Variants in TRIP12 observed in about 807,000 individuals in gnomAD.
TRIP12 encodes E3 ubiquitin-protein ligase TRIP12.
A neutral mutation model predicts 244.2 loss-of-function variants in TRIP12; 25 were observed. That is an observed-to-expected ratio of 0.10 (90% CI 0.07 to 0.14). The LOEUF is 0.14. Ranked by LOEUF, TRIP12 falls within the 10% of genes least tolerant of loss-of-function variation. The pLI, the probability that TRIP12 is intolerant of heterozygous loss-of-function variation, is 1.00. For missense variants in TRIP12, 1,677 were observed against 2,486.4 expected, an observed-to-expected ratio of 0.67 and a Z score of 6.92; for synonymous variants, 905 against 873.1, an observed-to-expected ratio of 1.04 and a Z score of -0.64.
At chr2:229,917,666 G>A (rs1389024338) in intron 1 of TRIP12, among the ~76,000 whole-genome samples, 1 of 152,020 alleles carries the variant, frequency 6.6e-6, no homozygotes, top group Non-Finnish European at 1.5e-5. Context: ...ATGTGAAGAG[G>A]CCCTGATCAC....
intron 1 of TRIP12, among the ~76,000 whole-genome samples, chr2:229,905,079 T>C (rs1193127925): frequency 6.6e-6 from 1 of 152,112 alleles, no homozygotes; most frequent in Non-Finnish European, 1.5e-5. Flanking sequence ...GTTCGAGACC[T>C]GCCTGACCAA....
intron 13 of TRIP12, 61 bp downstream of exon 13, chr2:229,813,809 T>C: frequency 2.5e-6 from 3 of 1,202,540 alleles, no homozygotes; most frequent in Non-Finnish European, 3.2e-6. Context: ...AAATAAAATA[T>C]AAAATTAAAA....
chr2:229,818,294 C>T (rs1432454475), intron 9 of TRIP12, 70 bp downstream of exon 9: 18 of 1,465,894 alleles, frequency 1.2e-5, no homozygotes, highest in East Asian at 2.3e-5. Context: ...AATAATCATA[C>T]ATTCAGTACA....
intron 21 of TRIP12, among the ~76,000 whole-genome samples, chr2:229,799,809 C>A (rs896602312): frequency 2.0e-5 from 3 of 151,986 alleles, no homozygotes; most frequent in Admixed American, 2.0e-4. Flanking sequence ...AAGGTATGTT[C>A]TTGTTTAGTG....
At chr2:229,891,181 G>A (rs1367735264) in intron 1 of TRIP12, among the ~76,000 whole-genome samples, 2 of 152,080 alleles carry the variant, frequency 1.3e-5, no homozygotes, top group African/African-American at 4.8e-5. Flanking sequence ...AGCACTTTTG[G>A]AGGCTGAAGC....
rs1397089207 is a variant in TRIP12 at position 229,787,412 on chromosome 2, G to T, written c.4995+93C>A. 11 of 1,358,930 alleles carry T rather than the reference G, an allele frequency of 8.1e-6. No individual in the cohort carries two copies. The East Asian group carries it at 2.7e-4, about 33-fold the overall frequency. The allele number at this position is 1,358,930 out of a possible 1,614,324, so 84.2% of individuals were successfully genotyped here. ...AGCTGAATATGACCAAGGCCTCCAA[G>T]ACCAACATGCATATTTAGATATACT... is the stretch of plus-strand genomic sequence containing the variant. On this transcript the variant is annotated intron_variant, in intron 33 of 41. Transcript: ENST00000675903.
At chr2:229,904,624 T>C (rs1229746316) in intron 1 of TRIP12, among the ~76,000 whole-genome samples, 2 of 151,978 alleles carry the variant, frequency 1.3e-5, no homozygotes, top group Non-Finnish European at 2.9e-5. Flanking sequence ...ATGTTTATAG[T>C]GGTTATATGA....
rs1204833060 is a variant in TRIP12 at position 229,765,535 on chromosome 2, T to C, written c.*2019A>G. 6.6e-6 allele frequency: 1 copy of C among 152,196 alleles called. No individual in the cohort carries two copies. The highest frequency in any genetic ancestry group is 2.4e-5 in the African/African-American group (1 of 41,462). The allele number at this position is 152,196 out of a possible 1,614,324, so 9.4% of individuals were successfully genotyped here. The stretch of plus-strand genomic sequence containing the variant: ...GAGTCAAAATCATCATATATACTTA[T>C]TAGATGCTGGAATCAATGAGGCCAA... On this transcript the variant is annotated 3_prime_UTR_variant, in exon 42 of 42. Coordinates refer to ENST00000675903, the MANE Select transcript of TRIP12 (RefSeq NM_001348323.3).
intron 1 of TRIP12, among the ~76,000 whole-genome samples, chr2:229,886,437 C>A (rs7597562): frequency 1.3e-5 from 2 of 151,366 alleles, no homozygotes. Flanking sequence ...AATGTGATAA[C>A]GGGATATTAT....
chr2:229,808,380 CAACAACAAAA>C lies in TRIP12; in HGVS notation c.2222-21_2222-12del, dbSNP rs1559545116. 3 of 1,592,638 alleles carry C rather than the reference CAACAACAAAA, an allele frequency of 1.9e-6. No individual in the cohort carries two copies. The highest frequency in any genetic ancestry group is 2.6e-6 in the Non-Finnish European group (3 of 1,165,542). ...GCGTTTCTGCAATGTCTGTAAAAACCAACAACAAAAAACAAAAGGCTATTAAACTAGTTAT... is the reference window on the plus strand; with the variant it reads ...GCGTTTCTGCAATGTCTGTAAAAACCAACAAAAGGCTATTAAACTAGTTAT... On this transcript the variant is annotated splice_polypyrimidine_tract_variant and intron_variant, in intron 15 of 41. Transcript: ENST00000675903.
chr2:229,774,065 C>G, intron 38 of TRIP12, 32 bp downstream of exon 38: 1 of 1,599,416 alleles, frequency 6.3e-7, no homozygotes, highest in Admixed American at 1.7e-5. Flanking sequence ...GTCTTCACAA[C>G]TGGCCTACCC....
chr2:229,881,172 C>G (rs906707938), intron 1 of TRIP12, among the ~76,000 whole-genome samples: 12 of 152,104 alleles, frequency 7.9e-5, no homozygotes, highest in Non-Finnish European at 1.3e-4. Flanking sequence ...CAAGAAATTG[C>G]GAAAGTATTT....
intron 33 of TRIP12, among the ~76,000 whole-genome samples, chr2:229,786,639 G>A (rs1018033586): frequency 7.5e-6 from 1 of 133,876 alleles, no homozygotes; most frequent in African/African-American, 2.9e-5. Flanking sequence ...GGATGGTCTC[G>A]ATCTCCTGAC....
chr2:229,903,010 C>CTTTTTCTTTTTTTTT (rs1553767672), intron 1 of TRIP12, among the ~76,000 whole-genome samples: 3 of 25,668 alleles, frequency 1.2e-4, no homozygotes, highest in African/African-American at 3.6e-4. Context: ...TTTTCTTTTT[C>CTTTTTCTTTTTTTTT]TTTTTTTCTT....
At chr2:229,805,580 T>C (rs2045670857) in intron 18 of TRIP12, 150 bp downstream of exon 18, 4 of 677,644 alleles carry the variant, frequency 5.9e-6, no homozygotes, top group Non-Finnish European at 9.0e-6. Flanking sequence ...CATCCATTAA[T>C]GGACATGATT....
intron 1 of TRIP12, among the ~76,000 whole-genome samples, chr2:229,918,990 A>G (rs1249658737): frequency 6.6e-6 from 1 of 152,276 alleles, no homozygotes; most frequent in Non-Finnish European, 1.5e-5. Context: ...GACTAGCTCA[A>G]GGTCACAAAG....
chr2:229,902,156 G>A (rs1276085426), intron 1 of TRIP12, among the ~76,000 whole-genome samples: 3 of 152,144 alleles, frequency 2.0e-5, no homozygotes, highest in Non-Finnish European at 4.4e-5. Flanking sequence ...GGCCAAGGCA[G>A]GTGGATCACT....
At chr2:229,846,075 C>CA (rs1427630471) in intron 4 of TRIP12, among the ~76,000 whole-genome samples, 2 of 148,402 alleles carry the variant, frequency 1.3e-5, no homozygotes, top group Non-Finnish European at 3.0e-5. Context: ...GGAATTTATT[C>CA]ATGGAAAGAT....
chr2:229,808,767 T>C (rs1312731099), intron 15 of TRIP12, among the ~76,000 whole-genome samples: 2 of 152,228 alleles, frequency 1.3e-5, no homozygotes, highest in South Asian at 2.1e-4. Context: ...ATGTGGCCCA[T>C]AGTATAAAAC....
Sources: allele counts gnomAD v4.1 joint callset (sites outside exome capture counted in the v4.1 genomes callset), GRCh38; gene constraint gnomAD v4.1.1; transcripts MANE v1.5; gene names NCBI Gene and HGNC (gene_info 2026-07-23, HGNC 2026-07-21).